Variants in FGF7 observed in about 807,000 individuals in gnomAD.
FGF7 encodes fibroblast growth factor 7.
FGF7 carries 6 observed loss-of-function variants against 20.5 expected under a neutral mutation model. The ratio of observed to expected loss-of-function variants is 0.29; its 90% CI spans 0.16 to 0.58. The LOEUF (loss-of-function observed/expected upper bound fraction) is 0.58, where lower values mean the gene tolerates loss of function less well. Among genes scored for constraint, FGF7 ranks in the 20% least tolerant of loss-of-function variants. The probability of loss-of-function intolerance (pLI) is 0.90; values close to 1 mark genes in which losing one functional copy is unlikely to be tolerated. For missense variants in FGF7, 144 were observed against 228.8 expected (o/e 0.63, Z 2.39); for synonymous variants, 64 against 74.7 (o/e 0.86, Z 0.74).
At chr15:49,457,024 T>C (rs2053361757) in intron 2 of FGF7, among the ~76,000 whole-genome samples, 1 of 152,084 alleles carries the variant, frequency 6.6e-6, no homozygotes, top group Non-Finnish European at 1.5e-5. Flanking sequence ...TGAATCTAGA[T>C]TTAAAGCCAT....
intron 2 of FGF7, among the ~76,000 whole-genome samples, chr15:49,442,656 C>A (rs544947613): frequency 1.3e-5 from 2 of 151,710 alleles, no homozygotes; most frequent in South Asian, 4.2e-4. Flanking sequence ...AATGCAGTGT[C>A]TTTTATTGTT....
At chr15:49,481,627 C>T (rs139763960) in intron 2 of FGF7, among the ~76,000 whole-genome samples, 3,200 of 152,202 alleles carry the variant, frequency 0.021, 46 homozygotes, top group Non-Finnish European at 0.031. Flanking sequence ...AATATATGGA[C>T]GTGTTTGCTG....
chr15:49,442,346 C>T (rs73400205), intron 2 of FGF7, among the ~76,000 whole-genome samples: 30,274 of 151,518 alleles, frequency 0.2, 3,266 homozygotes, highest in South Asian at 0.33. Flanking sequence ...CAACTCTCCA[C>T]GAAGCTCCCC....
At chr15:49,435,487 A>G (rs2151809510) in intron 2 of FGF7, among the ~76,000 whole-genome samples, 1 of 151,754 alleles carries the variant, frequency 6.6e-6, no homozygotes, top group Non-Finnish European at 1.5e-5. Flanking sequence ...TGCTACTTTC[A>G]TAAAACTACT....
chr15:49,437,307 A>G (rs1285307902), intron 2 of FGF7, among the ~76,000 whole-genome samples: 2 of 151,672 alleles, frequency 1.3e-5, no homozygotes, highest in Non-Finnish European at 3.0e-5. Flanking sequence ...AACAAATAAA[A>G]GAAACAGCAG....
intron 2 of FGF7, among the ~76,000 whole-genome samples, chr15:49,451,244 A>G (rs919764084): frequency 2.6e-5 from 4 of 152,142 alleles, no homozygotes; most frequent in Admixed American, 6.6e-5. Flanking sequence ...ATTTCTACAG[A>G]AAGTGTGACA....
intron 2 of FGF7, among the ~76,000 whole-genome samples, chr15:49,436,724 T>C (rs1242867846): frequency 9.2e-5 from 14 of 151,544 alleles, no homozygotes; most frequent in Admixed American, 9.2e-4. Flanking sequence ...ACTGTCAAAG[T>C]TGGGATGTGA....
intron 2 of FGF7, among the ~76,000 whole-genome samples, chr15:49,452,815 A>G (rs1257428167): frequency 6.6e-6 from 1 of 152,184 alleles, no homozygotes; most frequent in African/African-American, 2.4e-5. Context: ...AGGGTGCAGG[A>G]TAATATAAGC....
chr15:49,464,798 C>G (rs1264770373), intron 2 of FGF7, among the ~76,000 whole-genome samples: 4 of 152,136 alleles, frequency 2.6e-5, no homozygotes, highest in African/African-American at 4.8e-5. Context: ...GCATCTACAT[C>G]TGGAAGACAG....
rs1017443702 is a variant in FGF7 at position 49,424,382 on chromosome 15, T to C, written c.85T>C (p.Ser29Pro). The C allele has an allele frequency of 1.2e-6, 2 of 1,613,690 alleles. No homozygotes were observed. The highest frequency in any genetic ancestry group is 1.3e-5 in the African/African-American group (1 of 74,978). The change falls in exon 2 of 4, where the codon TCT becomes CCT. Residue 29 changes from serine to proline, a missense_variant. Around this residue, in one of 2 missense-constraint regions of FGF7, gnomAD observed 88 missense variants for 103.4 expected, o/e 0.85. Coordinates refer to ENST00000267843, the MANE Select transcript of FGF7 (RefSeq NM_002009.4). ...CATTATCTGTCTAGTGGGTACTATA[T>C]CTTTAGCTTGCAATGACATGACTCC... is the stretch of plus-strand genomic sequence containing the variant. ...FHIICLVGTI[S>P]LACNDMTPEQ...
At position 49,486,721 on chromosome 15, in the gene FGF7, G is replaced by A. The variant is rs1307039388; in HGVS notation, c.*2217G>A. The A allele has an allele frequency of 6.6e-6, 1 of 151,752 alleles. No individual in the cohort carries two copies. The highest frequency in any genetic ancestry group is 6.6e-5 in the Admixed American group (1 of 15,200). 9.4% of individuals were successfully genotyped at this position (151,752 alleles called of 1,614,324 possible). A position where few individuals can be genotyped will look rare whatever the true frequency, so the allele number is the denominator to read the frequency against. On this transcript the variant is annotated 3_prime_UTR_variant, in exon 4 of 4. Coordinates refer to ENST00000267843, the MANE Select transcript of FGF7 (RefSeq NM_002009.4). ...GAATTAGGCAAAACCAACATTTAGT[G>A]GTAAATCCATTCCTGGTAGTATAAG... is the stretch of plus-strand genomic sequence containing the variant.
intron 2 of FGF7, among the ~76,000 whole-genome samples, chr15:49,474,783 T>C (rs1392877584): frequency 6.6e-6 from 1 of 152,014 alleles, no homozygotes; most frequent in Non-Finnish European, 1.5e-5. Context: ...GTGAACCCTA[T>C]TGTGAACTGC....
chr15:49,437,645 A>G (rs2051229374), intron 2 of FGF7, among the ~76,000 whole-genome samples: 1 of 151,644 alleles, frequency 6.6e-6, no homozygotes, highest in African/African-American at 2.4e-5. Flanking sequence ...AATATCTTAG[A>G]AGGTTTGTAT....
intron 2 of FGF7, among the ~76,000 whole-genome samples, chr15:49,454,845 G>A (rs894427822): frequency 4.6e-5 from 7 of 152,010 alleles, no homozygotes; most frequent in African/African-American, 1.4e-4. Flanking sequence ...TCCTGACCTC[G>A]TGATCCGCTC....
At chr15:49,453,246 T>C (rs778076613) in intron 2 of FGF7, among the ~76,000 whole-genome samples, 1 of 152,072 alleles carries the variant, frequency 6.6e-6, no homozygotes, top group Non-Finnish European at 1.5e-5. Context: ...ATAATCAGTA[T>C]AAAAATATAT....
rs540174320 is a variant in FGF7 at position 49,473,213 on chromosome 15, C to G, written c.287-9938C>G. On this transcript the variant is annotated intron_variant, in intron 2 of 3. Transcript: ENST00000267843. ...AATTTAGAAAGATGAGACAGATTTA[C>G]TCACAGTTTAGTTAACTCATCCTTT... Among the ~76,000 whole-genome samples the G allele has an allele frequency of 9.2e-5, 14 of 152,218 alleles. No individual in the cohort carries two copies. The South Asian group carries it at 2.9e-3, about 32-fold the overall frequency.
intron 2 of FGF7, among the ~76,000 whole-genome samples, chr15:49,476,281 A>AT (rs1447762652): frequency 1.8e-5 from 2 of 111,020 alleles, no homozygotes; most frequent in South Asian, 2.7e-4. Flanking sequence ...CACTTATTTT[A>AT]TTTTTTCTGT....
rs371400906 is a variant in FGF7 at position 49,448,918 on chromosome 15, A to T, written c.286+24335A>T. Among the ~76,000 whole-genome samples, 66 of 152,026 alleles carry T rather than the reference A, an allele frequency of 4.3e-4. 2 individuals are homozygous for T. In the East Asian group the frequency reaches 0.012, roughly 29 times the overall value. On this transcript the variant is annotated intron_variant, in intron 2 of 3. Coordinates refer to ENST00000267843, the MANE Select transcript of FGF7 (RefSeq NM_002009.4). Reference sequence around the variant, plus strand: ...CTGGATACTTTCTCATATCTAGGGAAATTACTCCTGCTTCAGTTTAAGCCC... The same window carrying T: ...CTGGATACTTTCTCATATCTAGGGATATTACTCCTGCTTCAGTTTAAGCCC...
intron 2 of FGF7, among the ~76,000 whole-genome samples, chr15:49,463,391 TA>T (rs2053977141): frequency 6.6e-6 from 1 of 151,792 alleles, no homozygotes; most frequent in Non-Finnish European, 1.5e-5. Context: ...CCACTTCTAC[TA>T]AAAATACAAA....
Sources: gnomAD v4.1 joint callset for allele counts (sites outside exome capture counted in the v4.1 genomes callset) on GRCh38, gnomAD v4.1.1 for gene constraint, gnomAD v4.1.1 regional missense constraint, MANE v1.5 for transcripts, NCBI Gene and HGNC (gene_info 2026-07-23, HGNC 2026-07-21) for gene names.